The following ZNF699 variants were observed in gnomAD, a reference collection of about 807,000 sequenced individuals.
ZNF699 encodes zinc finger protein 699.
A neutral mutation model predicts 22.5 loss-of-function variants in ZNF699; 18 were observed. The ratio of observed to expected loss-of-function variants is 0.80; its 90% CI spans 0.55 to 1.19. The LOEUF (loss-of-function observed/expected upper bound fraction) is 1.19. Among genes scored for constraint, ZNF699 ranks in the 50% most tolerant of loss-of-function variants. The pLI, the probability that ZNF699 is intolerant of heterozygous loss-of-function variation, is 0.00. For missense variants in ZNF699, 670 were observed against 763.4 expected (o/e 0.88, Z 1.44); for synonymous variants, 241 against 262.3 (o/e 0.92, Z 0.78).
Position 9,297,581 on chromosome 19 carries a change from G to T in ZNF699, c.287-102C>A. ...ATAGGCACAAGGGTCAAAATGGTAA[G>T]CAATTAACTAAGAAATAATTTTATG... On this transcript the variant is annotated intron_variant, in intron 4 of 5. Coordinates refer to ENST00000591998, the MANE Select transcript of ZNF699 (RefSeq NM_198535.3). This position sits in a 1 kb window ranked among gnomAD's most constrained non-coding sequence, Gnocchi z 4.3. 2.4e-6 allele frequency: 2 copies of T among 831,654 alleles called. No homozygotes were observed. Among genetic ancestry groups the T allele is most frequent in the Non-Finnish European group, 3.7e-6 (2 of 538,924 alleles). 51.5% of individuals were successfully genotyped at this position (831,654 alleles called of 1,614,324 possible). A position where few individuals can be genotyped will look rare whatever the true frequency, so the allele number is the denominator to read the frequency against.
rs2066274572 is a variant in ZNF699 at position 9,293,719 on chromosome 19, T to C, written c.*1756A>G. ...CCAGGACATGTACATACATGAAATG[T>C]CATTAAGCTGTACATTGAAGATTAG... On this transcript the variant is annotated 3_prime_UTR_variant, in exon 6 of 6. Transcript: ENST00000591998. Among the ~76,000 whole-genome samples, 1 of 152,172 alleles carries C rather than the reference T, an allele frequency of 6.6e-6. No individual in the cohort carries two copies. The highest frequency in any genetic ancestry group is 2.4e-5 in the African/African-American group (1 of 41,440).
Position 9,292,211 on chromosome 19 carries a change from C to T in ZNF699, c.*3264G>A, listed in dbSNP as rs1212781341. Among the ~76,000 whole-genome samples the T allele has an allele frequency of 6.6e-6, 1 of 152,166 alleles. No individual in the cohort carries two copies. Among genetic ancestry groups the T allele is most frequent in the Non-Finnish European group, 1.5e-5 (1 of 68,034 alleles). On this transcript the variant is annotated 3_prime_UTR_variant, in exon 6 of 6. Transcript: ENST00000591998. ...CCTCCCCTCTGCATATGCCCCAAAA[C>T]TGCCAGGACTCTATGATTCAGTCAG...
chr19:9,299,385 C>T (rs889010408), intron 3 of ZNF699, among the ~76,000 whole-genome samples: 2 of 152,184 alleles, frequency 1.3e-5, no homozygotes, highest in African/African-American at 2.4e-5. Flanking sequence ...TCACCCGCCT[C>T]GGCCTCCCAA....
Position 9,305,502 on chromosome 19 carries a change from T to C in ZNF699, c.-5-378A>G, listed in dbSNP as rs540925014. On this transcript the variant is annotated intron_variant, in intron 1 of 5. Transcript: ENST00000591998. Reference sequence around the variant, plus strand: ...AAAGTATAAAATGTATCAGGGAGTATCTTCCAAAACATGAATAAACACTCC... The same window carrying C: ...AAAGTATAAAATGTATCAGGGAGTACCTTCCAAAACATGAATAAACACTCC... 3.3e-5 allele frequency among the ~76,000 whole-genome samples: 5 copies of C among 152,270 alleles called. No individual in the cohort carries two copies. In the South Asian group the frequency reaches 1.0e-3, roughly 32 times the overall value.
intron 2 of ZNF699, among the ~76,000 whole-genome samples, chr19:9,304,463 C>T (rs2066319533): frequency 6.6e-6 from 1 of 152,030 alleles, no homozygotes; most frequent in African/African-American, 2.4e-5. Context: ...CACAGCTGGT[C>T]ATACTTTCTT....
chr19:9,298,156 A>T (rs2066294169), intron 3 of ZNF699, among the ~76,000 whole-genome samples, 166 bp from the exon 4 acceptor site: 1 of 151,856 alleles, frequency 6.6e-6, no homozygotes, highest in Non-Finnish European at 1.5e-5. Flanking sequence ...TAAAAAAAGG[A>T]GAGGTGGCAG....
chr19:9,299,874 A>C (rs2066300919), intron 3 of ZNF699, among the ~76,000 whole-genome samples: 1 of 152,010 alleles, frequency 6.6e-6, no homozygotes, highest in African/African-American at 2.4e-5. Context: ...TTAAAAAAAA[A>C]AAAGACAAAA....
chr19:9,301,778 C>T (rs901277002), intron 3 of ZNF699, among the ~76,000 whole-genome samples: 3 of 152,182 alleles, frequency 2.0e-5, no homozygotes, highest in African/African-American at 7.2e-5. Context: ...AAACTACAAA[C>T]CTCCTCCCTG....
rs778271501 is a variant in ZNF699, at chr19:9,297,283, G to A, written c.470+13C>T. On this transcript the variant is annotated intron_variant, in intron 5 of 5. Coordinates refer to ENST00000591998, the MANE Select transcript of ZNF699 (RefSeq NM_198535.3). This position sits in a 1 kb window ranked among gnomAD's most constrained non-coding sequence, Gnocchi z 4.3. ...TCCTGAGGCACTTTCTCTTTCTCAC[G>A]AATGGCACTCACCTCAAATGTCTCT... 23 of 1,566,430 alleles carry A rather than the reference G, an allele frequency of 1.5e-5. No individual in the cohort carries two copies. Among genetic ancestry groups the A allele is most frequent in the African/African-American group, 9.8e-5 (7 of 71,358 alleles).
Position 9,296,050 on chromosome 19 carries a change from A to G in ZNF699, c.1354T>C (p.Cys452Arg). Residue 452 changes from cysteine (C) to arginine (R), a missense_variant, in exon 6 of 6, where the codon TGT becomes CGT. Physicochemically the swap from Cys to Arg is radical, Grantham distance 180. Transcript: ENST00000591998. Reference sequence around the variant, plus strand: ...GAGGGACAACTAAAGGCCTTCCCACATTCCTTACATTCATAGGGTTTCTCT... The same window carrying G: ...GAGGGACAACTAAAGGCCTTCCCACGTTCCTTACATTCATAGGGTTTCTCT... ...SREKPYECKE[C>R]GKAFSCPSSF... 6.2e-7 allele frequency: 1 copy of G among 1,614,140 alleles called. No individual in the cohort carries two copies.
intron 2 of ZNF699, among the ~76,000 whole-genome samples, chr19:9,304,188 C>T (rs1268614454): frequency 1.3e-5 from 2 of 151,926 alleles, no homozygotes; most frequent in Non-Finnish European, 2.9e-5. Flanking sequence ...TAGAAAAGTC[C>T]AGAACATATT....
In ZNF699 at chr19:9,296,930, A is replaced by G; in HGVS notation, c.474T>C (p.Asn158=). Residue 158 remains asparagine, a synonymous_variant, in exon 6 of 6, where the codon AAT becomes AAC. Transcript: ENST00000591998. ...QNKSHERHLR[N]HMVENIYECY... ...ATTCATAGATGTTCTCTACCATATG[A>G]TTTCTTTTAAAAATAAAAGACACAT... 3 of 1,575,448 alleles carry G rather than the reference A, an allele frequency of 1.9e-6. No homozygotes were observed. Among genetic ancestry groups the G allele is most frequent in the Non-Finnish European group, 2.6e-6 (3 of 1,159,278 alleles).
chr19:9,302,703 G>A (rs2066312311), intron 2 of ZNF699, among the ~76,000 whole-genome samples, 199 bp from the exon 3 acceptor site: 1 of 152,064 alleles, frequency 6.6e-6, no homozygotes, highest in South Asian at 2.1e-4. Flanking sequence ...TCAAATCCTG[G>A]CTTATAGATT....
rs1028834275 is a variant in ZNF699 at position 9,291,530 on chromosome 19, C to T, written c.*3945G>A. 2 of 152,086 alleles carry T rather than the reference C, an allele frequency of 1.3e-5. 1 individual carries two copies. The highest frequency in any genetic ancestry group is 4.2e-4 in the South Asian group (2 of 4,818). The allele number at this position is 152,086 out of a possible 1,614,324, so 9.4% of individuals were successfully genotyped here. A position where few individuals can be genotyped will look rare whatever the true frequency, so the allele number is the denominator to read the frequency against. ...TCTATATACACACACCTTGATCCTACCTCACACGCTACAAAAAATTATTCA... is the reference window on the plus strand; with the variant it reads ...TCTATATACACACACCTTGATCCTATCTCACACGCTACAAAAAATTATTCA... On this transcript the variant is annotated 3_prime_UTR_variant, in exon 6 of 6. Coordinates refer to ENST00000591998, the MANE Select transcript of ZNF699 (RefSeq NM_198535.3).
intron 1 of ZNF699, among the ~76,000 whole-genome samples, chr19:9,308,791 A>T (rs2066336769): frequency 6.6e-6 from 1 of 152,260 alleles, no homozygotes; most frequent in African/African-American, 2.4e-5. Flanking sequence ...TGGCAAGTGC[A>T]GTAAAGAAAT....
At chr19:9,296,968 A>G (rs530211241) in intron 5 of ZNF699, 35 bp from the exon 6 acceptor site, 42 of 1,455,170 alleles carry the variant, frequency 2.9e-5, no homozygotes, top group Non-Finnish European at 3.9e-5. Context: ...TTAGTAATAA[A>G]TTTCTACCAA....
intron 2 of ZNF699, among the ~76,000 whole-genome samples, chr19:9,303,182 A>G (rs1479041891): frequency 2.0e-5 from 3 of 152,216 alleles, no homozygotes; most frequent in Non-Finnish European, 4.4e-5. Context: ...ACACCAAGCA[A>G]TTCCCCAGTG....
chr19:9,304,994 T>A (rs971431817), intron 2 of ZNF699, 78 bp downstream of exon 2: 3 of 1,157,498 alleles, frequency 2.6e-6, no homozygotes, highest in Non-Finnish European at 1.3e-6. Context: ...AAGAGATTGC[T>A]GGCTTGTGCC....
At position 9,293,264 on chromosome 19, in the gene ZNF699, ACTGT is replaced by A. The variant is rs1432912191; in HGVS notation, c.*2207_*2210del. On this transcript the variant is annotated 3_prime_UTR_variant, in exon 6 of 6. Transcript: ENST00000591998. ...ATCATTACACATCAGGTAAATGCAC[ACTGT>A]CTGCTGGATGACTATAATCAGAAAG... Among the ~76,000 whole-genome samples, 2 of 152,100 alleles carry A rather than the reference ACTGT, an allele frequency of 1.3e-5. No individual in the cohort carries two copies. The highest frequency in any genetic ancestry group is 2.9e-5 in the Non-Finnish European group (2 of 68,008).
Sources: gnomAD v4.1 joint callset for allele counts (sites outside exome capture counted in the v4.1 genomes callset) on GRCh38, gnomAD v4.1.1 for gene constraint, Gnocchi (gnomAD v3.1) non-coding constraint, MANE v1.5 for transcripts, NCBI Gene and HGNC (gene_info 2026-07-23, HGNC 2026-07-21) for gene names.